FNDC3B: variants seen among roughly 807,000 people sequenced by gnomAD.
FNDC3B encodes the protein fibronectin type III domain-containing protein 3B.
FNDC3B carries 12 observed loss-of-function variants against 151.5 expected under a neutral mutation model. That is an observed-to-expected ratio of 0.08 (90% CI 0.05 to 0.13). FNDC3B has a LOEUF of 0.13. FNDC3B is among the 10% of genes least tolerant of loss of function. FNDC3B has a pLI of 1.00. For synonymous variants in FNDC3B, 528 were observed against 549.0 expected, an observed-to-expected ratio of 0.96 and a Z score of 0.54; for missense variants, 1,214 against 1,505.3, an observed-to-expected ratio of 0.81 and a Z score of 3.20.
At chr3:172,286,133 T>C in intron 7 of FNDC3B, 149 bp downstream of exon 7, 1 of 621,876 alleles carries the variant, frequency 1.6e-6, no homozygotes, top group Non-Finnish European at 2.8e-6. Context: ...TTCGGTTCAG[T>C]TATTAATGGA....
At chr3:172,066,522 T>C (rs1717505962) in intron 1 of FNDC3B, among the ~76,000 whole-genome samples, 1 of 152,212 alleles carries the variant, frequency 6.6e-6, no homozygotes, top group Non-Finnish European at 1.5e-5. Flanking sequence ...CAGAGGTGGC[T>C]ACAGGCTTCA....
At chr3:172,114,443 C>T (rs1720142536) in intron 2 of FNDC3B, among the ~76,000 whole-genome samples, 1 of 152,166 alleles carries the variant, frequency 6.6e-6, no homozygotes, top group Non-Finnish European at 1.5e-5. Context: ...GCCACCCATC[C>T]ATGTTGTTGT....
At chr3:172,376,361 G>T (rs1278075822) in intron 23 of FNDC3B, among the ~76,000 whole-genome samples, 1 of 152,122 alleles carries the variant, frequency 6.6e-6, no homozygotes, top group African/African-American at 2.4e-5. Context: ...TTTTCCAAAA[G>T]AAATACTCTC....
chr3:172,330,412 C>T lies in FNDC3B; in HGVS notation c.1380-129C>T, dbSNP rs540508443. 32 of 709,856 alleles carry T rather than the reference C, an allele frequency of 4.5e-5. No homozygotes were observed. The East Asian group carries it at 8.6e-4, about 19-fold the overall frequency. 44.0% of individuals were successfully genotyped at this position (709,856 alleles called of 1,614,324 possible). On this transcript the variant is annotated intron_variant, in intron 12 of 25. Transcript: ENST00000415807. Reference sequence around the variant, plus strand: ...TTATAGGGAATATCACACACAGCATCCTTACCTGGCTTTGCTTACTCTACC... The same window carrying T: ...TTATAGGGAATATCACACACAGCATTCTTACCTGGCTTTGCTTACTCTACC...
At chr3:172,382,984 G>A (rs1203481708) in intron 25 of FNDC3B, among the ~76,000 whole-genome samples, 1 of 152,110 alleles carries the variant, frequency 6.6e-6, no homozygotes, top group Admixed American at 6.6e-5. Context: ...ACTTAAAGTA[G>A]GTTTTTTCTG....
intron 3 of FNDC3B, among the ~76,000 whole-genome samples, chr3:172,147,503 T>A (rs1051469642): frequency 1.3e-5 from 2 of 151,864 alleles, no homozygotes; most frequent in African/African-American, 4.8e-5. Flanking sequence ...TTTTGTTGCT[T>A]GACTTGGGTG....
intron 1 of FNDC3B, among the ~76,000 whole-genome samples, chr3:172,112,067 G>A (rs1229745982): frequency 6.6e-6 from 1 of 152,198 alleles, no homozygotes; most frequent in Non-Finnish European, 1.5e-5. Context: ...AATGATGGTG[G>A]CAGATACCAC....
At chr3:172,271,356 A>G (rs7633247) in intron 6 of FNDC3B, among the ~76,000 whole-genome samples, 5,144 of 152,280 alleles carry the variant, frequency 0.034, 290 homozygotes, top group African/African-American at 0.12. Flanking sequence ...GTTTTAAACT[A>G]TTGATTTCCT....
chr3:172,098,402 A>T (rs1576860894), intron 1 of FNDC3B, among the ~76,000 whole-genome samples: 1 of 152,226 alleles, frequency 6.6e-6, no homozygotes, highest in East Asian at 1.9e-4. Flanking sequence ...CTGACAGTAC[A>T]TGCTTTTCTA....
At chr3:172,337,564 AAC>A (rs771124648) in intron 16 of FNDC3B, 163 bp downstream of exon 16, 5 of 563,950 alleles carry the variant, frequency 8.9e-6, no homozygotes, top group Non-Finnish European at 1.3e-5. Context: ...TTCTATTTCA[AAC>A]ACAGCACCAG....
At position 172,282,229 on chromosome 3, in the gene FNDC3B, T is replaced by C. The variant is rs78154631; in HGVS notation, c.791-3697T>C. ...TTTTACTCTTGTTTGGTGCAAATTG[T>C]GTCCCTGGGTTTTATTTACCTTTTC... is the stretch of plus-strand genomic sequence containing the variant. On this transcript the variant is annotated intron_variant, in intron 6 of 25. Coordinates refer to ENST00000415807, the MANE Select transcript of FNDC3B (RefSeq NM_022763.4). Among the ~76,000 whole-genome samples the C allele has an allele frequency of 1.2e-3, 178 of 152,368 alleles. 1 individual carries two copies. Among genetic ancestry groups the C allele is most frequent in the African/African-American group, 4.2e-3 (176 of 41,586 alleles).
intron 3 of FNDC3B, among the ~76,000 whole-genome samples, chr3:172,173,089 C>G (rs531966347): frequency 6.6e-6 from 1 of 151,724 alleles, no homozygotes; most frequent in African/African-American, 2.4e-5. Context: ...TTCCCTTTCC[C>G]CTTTTCAGAA....
chr3:172,171,611 TTTTTTTTG>T (rs1559999802), intron 3 of FNDC3B, among the ~76,000 whole-genome samples: 7 of 117,848 alleles, frequency 5.9e-5, no homozygotes, highest in Non-Finnish European at 1.4e-4. Context: ...TTTTTTTTTT[TTTTTTTTG>T]GAAAGTGCAG....
intron 3 of FNDC3B, chr3:172,186,693 A>G (rs553650619): frequency 4.7e-5 from 33 of 698,750 alleles, no homozygotes; most frequent in Admixed American, 1.2e-4. Flanking sequence ...CCCTATCTTG[A>G]TTTTTTGTCT....
chr3:172,210,945 G>A (rs1725706092), intron 3 of FNDC3B, among the ~76,000 whole-genome samples: 1 of 152,102 alleles, frequency 6.6e-6, no homozygotes, highest in South Asian at 2.1e-4. Flanking sequence ...TTGAGATTTT[G>A]CTGCTGACAC....
At chr3:172,049,730 T>A (rs1375013730) in intron 1 of FNDC3B, among the ~76,000 whole-genome samples, 2 of 152,188 alleles carry the variant, frequency 1.3e-5, no homozygotes, top group Admixed American at 1.3e-4. Context: ...TTTCTCCATG[T>A]TGGTCAGGCT....
At chr3:172,314,921 C>T (rs1488086657) in intron 11 of FNDC3B, among the ~76,000 whole-genome samples, 1 of 152,180 alleles carries the variant, frequency 6.6e-6, no homozygotes, top group African/African-American at 2.4e-5. Flanking sequence ...ATTAATTTTG[C>T]ATCACTGTAG....
chr3:172,169,608 G>A (rs901569994), intron 3 of FNDC3B, among the ~76,000 whole-genome samples: 4 of 152,178 alleles, frequency 2.6e-5, no homozygotes, highest in Admixed American at 6.5e-5. Context: ...GGCCACGCCG[G>A]CAGAGAAACC....
chr3:172,392,520 A>G (rs1736059794), intron 25 of FNDC3B, among the ~76,000 whole-genome samples: 1 of 151,972 alleles, frequency 6.6e-6, no homozygotes, highest in Non-Finnish European at 1.5e-5. Flanking sequence ...AGACCATAAG[A>G]TCCTTTTTTT....
Sources: allele counts gnomAD v4.1 joint callset (sites outside exome capture counted in the v4.1 genomes callset), GRCh38; gene constraint gnomAD v4.1.1; transcripts MANE v1.5; gene names NCBI Gene and HGNC (gene_info 2026-07-23, HGNC 2026-07-21).